The following RGS6 variants were observed in gnomAD, a reference collection of about 807,000 sequenced individuals.
The protein encoded by RGS6 is regulator of G protein signaling 6.
Under a neutral mutation model 78.5 loss-of-function variants are expected in RGS6, and 30 were observed. The observed-to-expected ratio is 0.38, with a 90% CI of 0.29 to 0.52. The LOEUF (loss-of-function observed/expected upper bound fraction) is 0.52, where lower values mean the gene tolerates loss of function less well. Ranked by LOEUF, RGS6 falls within the 20% of genes least tolerant of loss-of-function variation. The pLI is 0.85. For missense variants in RGS6, 495 were observed against 609.7 expected (o/e 0.81, Z 1.98); for synonymous variants, 206 against 206.0 (o/e 1.00, Z 0.00).
chr14:72,195,354 A>G (rs1252233596), intron 2 of RGS6, among the ~76,000 whole-genome samples: 2 of 152,240 alleles, frequency 1.3e-5, no homozygotes, highest in African/African-American at 2.4e-5. Flanking sequence ...ATAGTTGGAT[A>G]TTCAAATCTG....
intron 17 of RGS6, chr14:72,547,449 A>T: frequency 1.2e-6 from 1 of 833,700 alleles, no homozygotes; most frequent in Non-Finnish European, 1.9e-6. Context: ...CCCCTTTTAA[A>T]ATAGTGATGA....
At chr14:72,612,993 C>CGTGTGTGTGTGTGTGTGTGT in the RGS6 span, among the ~76,000 whole-genome samples, 2 of 148,852 alleles carry the variant, frequency 1.3e-5, no homozygotes, top group Admixed American at 6.6e-5. Flanking sequence ...TTAAGTAGGG[C>CGTGTGTGTGTGTGTGTGTGT]GTGTGTGTGT....
intron 2 of RGS6, among the ~76,000 whole-genome samples, chr14:72,196,078 A>G (rs1821478862): frequency 6.6e-6 from 1 of 152,074 alleles, no homozygotes; most frequent in Non-Finnish European, 1.5e-5. Flanking sequence ...GGAGCCATGA[A>G]ATGGGGGAGG....
rs139007914 is a variant in RGS6, at chr14:71,940,455, A to G, written c.-21+7514A>G. On this transcript the variant is annotated intron_variant, in intron 1 of 17. Coordinates refer to ENST00000553525, the MANE Select transcript of RGS6 (RefSeq NM_001204424.2). Reference sequence around the variant, plus strand: ...TTAGTCTTTTGTCCATTCAACCTAGAAGTTTTCTGTTTGTGTAATTGAAGT... The same window carrying G: ...TTAGTCTTTTGTCCATTCAACCTAGGAGTTTTCTGTTTGTGTAATTGAAGT... Among the ~76,000 whole-genome samples, 56 of 152,210 alleles carry G rather than the reference A, an allele frequency of 3.7e-4. No homozygotes were observed. In the East Asian group the frequency reaches 0.01, roughly 27 times the overall value.
At chr14:71,919,597 G>A in the RGS6 span, among the ~76,000 whole-genome samples, 6 of 152,288 alleles carry the variant, frequency 3.9e-5, no homozygotes, top group South Asian at 1.0e-3. Context: ...TCTAAAGCCT[G>A]CACATGTGTG....
intron 2 of RGS6, among the ~76,000 whole-genome samples, chr14:71,972,354 T>TC (rs1555408126): frequency 9.9e-5 from 15 of 151,656 alleles, no homozygotes; most frequent in Non-Finnish European, 1.0e-4. Flanking sequence ...GTTTTTTTTT[T>TC]ATAATTTCCC....
chr14:72,404,257 C>G (rs2092723694), intron 3 of RGS6, among the ~76,000 whole-genome samples: 1 of 152,198 alleles, frequency 6.6e-6, no homozygotes, highest in African/African-American at 2.4e-5. Context: ...TTCTGTGGAT[C>G]TTACAAGCTC....
intron 3 of RGS6, among the ~76,000 whole-genome samples, chr14:72,393,019 T>A (rs2090383025): frequency 6.6e-6 from 1 of 152,150 alleles, no homozygotes; most frequent in Non-Finnish European, 1.5e-5. Context: ...CCAAATCAAA[T>A]AAAAAGTGAC....
chr14:72,468,686 A>G (rs1417080966), intron 7 of RGS6, among the ~76,000 whole-genome samples: 1 of 152,118 alleles, frequency 6.6e-6, no homozygotes, highest in Admixed American at 6.5e-5. Context: ...TACTGTAGGT[A>G]TCTCGGGGTC....
intron 2 of RGS6, among the ~76,000 whole-genome samples, chr14:72,039,812 G>GTTTTTTTTTT (rs1555447720): frequency 9.3e-5 from 2 of 21,484 alleles, no homozygotes; most frequent in East Asian, 2.2e-3. Flanking sequence ...GTGTTTCATT[G>GTTTTTTTTTT]ATTTTTTTTT....
chr14:72,339,288 A>G (rs2076564881), intron 2 of RGS6, among the ~76,000 whole-genome samples: 1 of 152,190 alleles, frequency 6.6e-6, no homozygotes, highest in Non-Finnish European at 1.5e-5. Context: ...ACACATGGAA[A>G]GTGCCGTTTA....
chr14:72,544,996 T>C (rs2097373360), intron 17 of RGS6, among the ~76,000 whole-genome samples: 1 of 152,210 alleles, frequency 6.6e-6, no homozygotes, highest in Non-Finnish European at 1.5e-5. Flanking sequence ...GGTGTTGTTT[T>C]CCCCTCCTCC....
chr14:72,463,758 G>C (rs1246669504), intron 6 of RGS6, among the ~76,000 whole-genome samples: 1 of 152,234 alleles, frequency 6.6e-6, no homozygotes, highest in Non-Finnish European at 1.5e-5. Flanking sequence ...AGTCGAGCTG[G>C]TGACATGTCA....
At chr14:72,038,292 C>T (rs1005152786) in intron 2 of RGS6, among the ~76,000 whole-genome samples, 1 of 152,116 alleles carries the variant, frequency 6.6e-6, no homozygotes, top group African/African-American at 2.4e-5. Flanking sequence ...ATCTCAATTA[C>T]TTTAGCTTTA....
intron 2 of RGS6, among the ~76,000 whole-genome samples, chr14:72,181,047 C>T (rs1295559238): frequency 1.3e-5 from 2 of 152,152 alleles, no homozygotes; most frequent in African/African-American, 4.8e-5. Flanking sequence ...TCTCTTAATT[C>T]TGGAAAGTTT....
intron 2 of RGS6, among the ~76,000 whole-genome samples, chr14:72,212,441 G>A (rs1451521055): frequency 1.3e-5 from 2 of 152,204 alleles, no homozygotes; most frequent in East Asian, 3.8e-4. Flanking sequence ...TATGATTTAT[G>A]AGGGGCCATG....
the RGS6 span, among the ~76,000 whole-genome samples, chr14:72,618,109 G>A: frequency 6.6e-6 from 1 of 151,934 alleles, no homozygotes; most frequent in African/African-American, 2.4e-5. Flanking sequence ...TAGGAGACAA[G>A]AGCAGCCCCC....
intron 2 of RGS6, among the ~76,000 whole-genome samples, chr14:72,336,243 T>C (rs944118507): frequency 6.6e-6 from 1 of 152,204 alleles, no homozygotes; most frequent in African/African-American, 2.4e-5. Flanking sequence ...TTAAAACAAA[T>C]GAAAGACTAC....
chr14:71,881,517 T>C, the RGS6 span, among the ~76,000 whole-genome samples: 1 of 152,174 alleles, frequency 6.6e-6, no homozygotes, highest in Non-Finnish European at 1.5e-5. Flanking sequence ...ACTGTTCTCA[T>C]GGTAGTGAAT....
Sources: gnomAD v4.1 joint callset for allele counts (sites outside exome capture counted in the v4.1 genomes callset) on GRCh38, gnomAD v4.1.1 for gene constraint, MANE v1.5 for transcripts, NCBI Gene and HGNC (gene_info 2026-07-23, HGNC 2026-07-21) for gene names.